ALDH1A2: variants seen among roughly 807,000 people sequenced by gnomAD.
ALDH1A2 encodes aldehyde dehydrogenase 1 family member A2, also known as retinal dehydrogenase 2.
In ALDH1A2, 27 loss-of-function variants were observed where a neutral mutation model predicts 60.3. The ratio of observed to expected loss-of-function variants is 0.45; its 90% CI spans 0.33 to 0.62. The LOEUF (loss-of-function observed/expected upper bound fraction) is 0.62, where lower values mean the gene tolerates loss of function less well. Among genes scored for constraint, ALDH1A2 ranks in the 20% least tolerant of loss-of-function variants. The pLI is 0.02. For missense variants in ALDH1A2, 581 were observed against 643.8 expected, an observed-to-expected ratio of 0.90 and a Z score of 1.06; for synonymous variants, 289 against 232.4, an observed-to-expected ratio of 1.24 and a Z score of -2.21.
At position 58,056,922 on chromosome 15, in the gene ALDH1A2, C is replaced by G. The variant is rs562711396; in HGVS notation, c.117+8612G>C. Among the ~76,000 whole-genome samples, 4 of 152,214 alleles carry G rather than the reference C, an allele frequency of 2.6e-5. No individual in the cohort carries two copies. In the East Asian group the frequency reaches 7.7e-4, roughly 29 times the overall value. ...AAATGTAGACTAATGGGAACTCTGA[C>G]ACACTGCTGGTGGGATATACTGGAG... On this transcript the variant is annotated intron_variant, in intron 1 of 12. Transcript: ENST00000249750.
chr15:57,954,037 G>C lies in ALDH1A2; in HGVS notation c.*1160C>G, dbSNP rs1893433739. ...CCTGCCCAGTGAGGGGCAAGAATGG[G>C]GTGTGACAGAGGAGCTCAGTGGAGC... is the stretch of plus-strand genomic sequence containing the variant. On this transcript the variant is annotated 3_prime_UTR_variant, in exon 13 of 13. Transcript: ENST00000249750. 6.6e-6 allele frequency: 1 copy of C among 152,456 alleles called. No homozygotes were observed. Among genetic ancestry groups the C allele is most frequent in the African/African-American group, 2.4e-5 (1 of 41,448 alleles). 9.4% of individuals were successfully genotyped at this position (152,456 alleles called of 1,614,324 possible).
At chr15:57,970,727 A>G (rs1230115386) in intron 7 of ALDH1A2, among the ~76,000 whole-genome samples, 1 of 152,122 alleles carries the variant, frequency 6.6e-6, no homozygotes, top group African/African-American at 2.4e-5. Flanking sequence ...GCGATATAAC[A>G]CCTTTTTAAA....
At chr15:57,957,901 GGT>G (rs1893583883) in intron 12 of ALDH1A2, among the ~76,000 whole-genome samples, 2 of 152,112 alleles carry the variant, frequency 1.3e-5, no homozygotes, top group Non-Finnish European at 2.9e-5. Context: ...GCTTGCAGGT[GGT>G]CAGGACTGAG....
Position 57,993,067 on chromosome 15 carries a change from A to G in ALDH1A2, c.562T>C (p.Phe188Leu). ...GVCGQIIPWN[F>L]PLLMFAWKIA... ...TTCCAGGCAAACATCAGCAGGGGGA[A>G]GTTCCACTGAAAGGAAAAAACTCAA... Residue 188 changes from phenylalanine (F) to leucine (L), a missense_variant, in exon 6 of 13, where the codon TTC becomes CTC. This residue lies in a region of ALDH1A2 where 375 missense variants were observed against 469.7 expected (regional missense o/e 0.80). Coordinates refer to ENST00000249750, the MANE Select transcript of ALDH1A2 (RefSeq NM_003888.4). 1 of 1,612,400 alleles carries G rather than the reference A, an allele frequency of 6.2e-7. No homozygotes were observed.
chr15:57,980,134 GC>G, intron 7 of ALDH1A2: 1 of 289,176 alleles, frequency 3.5e-6, no homozygotes, highest in South Asian at 3.7e-5. Flanking sequence ...ATTTGTTGGT[GC>G]CCATTTGCAG....
intron 1 of ALDH1A2, among the ~76,000 whole-genome samples, chr15:58,027,376 C>T (rs182053703): frequency 3.9e-5 from 6 of 152,232 alleles, no homozygotes; most frequent in African/African-American, 4.8e-5. Flanking sequence ...CACACCAAAA[C>T]CCCATTTGTA....
At chr15:57,980,341 G>T in intron 7 of ALDH1A2, 1 of 423,004 alleles carries the variant, frequency 2.4e-6, no homozygotes, top group East Asian at 6.4e-5. Flanking sequence ...ACAGGTCCAT[G>T]GGGTTCATGT....
At chr15:57,989,753 T>C (rs1332196684) in intron 7 of ALDH1A2, among the ~76,000 whole-genome samples, 2 of 152,176 alleles carry the variant, frequency 1.3e-5, no homozygotes, top group Non-Finnish European at 2.9e-5. Context: ...ATAAATTGTT[T>C]TGAAGTAACT....
intron 7 of ALDH1A2, among the ~76,000 whole-genome samples, chr15:57,973,493 A>G (rs1417918499): frequency 2.0e-5 from 3 of 152,194 alleles, no homozygotes; most frequent in African/African-American, 7.2e-5. Flanking sequence ...TTTAAGTGAC[A>G]TGTTCACTCT....
At chr15:58,000,035 CA>C (rs1458110076) in intron 4 of ALDH1A2, among the ~76,000 whole-genome samples, 5 of 151,734 alleles carry the variant, frequency 3.3e-5, no homozygotes, top group African/African-American at 7.3e-5. Context: ...AGGGGAACAA[CA>C]GACATTGGCA....
chr15:57,972,474 A>C (rs1402805902), intron 7 of ALDH1A2, among the ~76,000 whole-genome samples: 1 of 152,222 alleles, frequency 6.6e-6, no homozygotes, highest in Admixed American at 6.5e-5. Flanking sequence ...TGGAGTAGTC[A>C]AGCCAAAAGT....
chr15:57,965,907 A>G (rs1201715643), intron 7 of ALDH1A2, 80 bp from the exon 8 acceptor site: 6 of 1,052,014 alleles, frequency 5.7e-6, no homozygotes, highest in South Asian at 3.8e-5. Context: ...TCAGGGCATC[A>G]ATGGGATGCA....
chr15:58,005,981 T>G (rs550723312), intron 4 of ALDH1A2, among the ~76,000 whole-genome samples: 1 of 151,706 alleles, frequency 6.6e-6, no homozygotes, highest in Non-Finnish European at 1.5e-5. Flanking sequence ...AAGTACAGAG[T>G]GTTCTCAGAG....
intron 8 of ALDH1A2, among the ~76,000 whole-genome samples, chr15:57,965,210 C>G (rs1197529940): frequency 6.6e-6 from 1 of 152,138 alleles, no homozygotes; most frequent in Non-Finnish European, 1.5e-5. Flanking sequence ...ACTACTCATA[C>G]CGAACTGACC....
intron 4 of ALDH1A2, among the ~76,000 whole-genome samples, chr15:58,006,036 T>TA (rs1895441987): frequency 7.0e-6 from 1 of 142,934 alleles, no homozygotes; most frequent in South Asian, 2.2e-4. Flanking sequence ...TTTTTTTTTT[T>TA]ATTTCAATAG....
chr15:58,054,375 G>A (rs1173719358), intron 1 of ALDH1A2, among the ~76,000 whole-genome samples: 2 of 152,090 alleles, frequency 1.3e-5, no homozygotes, highest in Non-Finnish European at 2.9e-5. Flanking sequence ...CTTTAGAGAG[G>A]ATTTTTCAAT....
chr15:57,962,686 A>G (rs1893763982), intron 9 of ALDH1A2, among the ~76,000 whole-genome samples: 1 of 152,040 alleles, frequency 6.6e-6, no homozygotes, highest in Non-Finnish European at 1.5e-5. Flanking sequence ...TAAAGAGTGA[A>G]GGATGAGCTT....
rs1223111644 is a variant in ALDH1A2 at position 58,001,347 on chromosome 15, T to C, written c.494-6208A>G. Among the ~76,000 whole-genome samples, 8 of 151,974 alleles carry C rather than the reference T, an allele frequency of 5.3e-5. No homozygotes were observed. The East Asian group carries it at 1.4e-3, about 26-fold the overall frequency. ...AATCACAAATCACAGAATTAGAGTATAATGTCAAGAACAATCACAAATGGG... is the reference window on the plus strand; with the variant it reads ...AATCACAAATCACAGAATTAGAGTACAATGTCAAGAACAATCACAAATGGG... On this transcript the variant is annotated intron_variant, in intron 4 of 12. Transcript: ENST00000249750.
chr15:58,018,914 A>C (rs1895850759), intron 1 of ALDH1A2, among the ~76,000 whole-genome samples: 1 of 152,180 alleles, frequency 6.6e-6, no homozygotes, highest in South Asian at 2.1e-4. Flanking sequence ...TAAATGCATC[A>C]TGTAACCATG....
Sources: gnomAD v4.1 joint callset for allele counts (sites outside exome capture counted in the v4.1 genomes callset) on GRCh38, gnomAD v4.1.1 for gene constraint, gnomAD v4.1.1 regional missense constraint, MANE v1.5 for transcripts, NCBI Gene and HGNC (gene_info 2026-07-23, HGNC 2026-07-21) for gene names.